Variants in ZNF267 observed in about 807,000 individuals in gnomAD.
ZNF267 encodes the protein zinc finger (C2H2).
Under a neutral mutation model 71.6 loss-of-function variants are expected in ZNF267, and 61 were observed. The observed-to-expected ratio is 0.85, with a 90% CI of 0.69 to 1.05. The LOEUF (loss-of-function observed/expected upper bound fraction) is 1.05, where lower values mean the gene tolerates loss of function less well. Among genes scored for constraint, ZNF267 ranks in the 50% least tolerant of loss-of-function variants. The pLI, the probability that ZNF267 is intolerant of heterozygous loss-of-function variation, is 0.00. For synonymous variants in ZNF267, 288 were observed against 293.2 expected, an observed-to-expected ratio of 0.98 and a Z score of 0.18; for missense variants, 852 against 870.0, an observed-to-expected ratio of 0.98 and a Z score of 0.26.
intron 3 of ZNF267, among the ~76,000 whole-genome samples, chr16:31,910,748 T>G (rs193059580): frequency 6.6e-6 from 1 of 151,642 alleles, no homozygotes; most frequent in Non-Finnish European, 1.5e-5. Context: ...TGCTGTGATG[T>G]TTATTATAAT....
At chr16:31,898,221 A>G (rs2084013947) in intron 3 of ZNF267, among the ~76,000 whole-genome samples, 1 of 152,102 alleles carries the variant, frequency 6.6e-6, no homozygotes, top group South Asian at 2.1e-4. Flanking sequence ...TTATTATATA[A>G]TGCCCTTTCT....
At chr16:31,912,942 C>G (rs1026711315) in intron 3 of ZNF267, 1 of 148,180 alleles carries the variant, frequency 6.7e-6, no homozygotes, top group African/African-American at 2.7e-5. Context: ...TTCCTCAACA[C>G]AACTATGTTG....
At chr16:31,894,817 C>A (rs546856549) in intron 3 of ZNF267, 1 of 486,446 alleles carries the variant, frequency 2.1e-6, no homozygotes, top group South Asian at 1.6e-5. Context: ...ACATTGACTT[C>A]TTTAGTAAGT....
intron 1 of ZNF267, among the ~76,000 whole-genome samples, chr16:31,875,604 G>C (rs1021114012): frequency 3.9e-5 from 6 of 152,166 alleles, no homozygotes; most frequent in African/African-American, 1.4e-4. Context: ...CTCGGCTGCG[G>C]TGTCCATGGG....
intron 3 of ZNF267, among the ~76,000 whole-genome samples, chr16:31,902,602 T>C (rs540335168): frequency 8.3e-4 from 127 of 152,238 alleles, no homozygotes; most frequent in Non-Finnish European, 1.6e-3. Context: ...TTGTCTGTTA[T>C]TGGTGTATAA....
At position 31,885,164 on chromosome 16, in the gene ZNF267, T is replaced by TTG; in HGVS notation, c.136_137dup (p.Val47LeufsTer7). The stretch of plus-strand genomic sequence containing the variant: ...GTGAATTTTTCCAATAAAACAGGTC[T>TTG]TGTTGTCTCTAAGCCGGACCTGATC... On this transcript the variant is annotated frameshift_variant, in exon 3 of 4. Coordinates refer to ENST00000300870, the MANE Select transcript of ZNF267 (RefSeq NM_003414.6). LOFTEE classifies it high-confidence loss of function. The TTG allele has an allele frequency of 1.2e-6, 2 of 1,604,564 alleles. No individual in the cohort carries two copies. The highest frequency in any genetic ancestry group is 2.7e-5 in the African/African-American group (2 of 74,602).
chr16:31,914,636 T>C lies in ZNF267; in HGVS notation c.387T>C (p.Tyr129=), dbSNP rs140423695. Residue 129 remains tyrosine (Y), a synonymous_variant, in exon 4 of 4, where the codon TAT becomes TAC. Transcript: ENST00000300870. ...AGTGTGAAGGGCACAATGGATGTTA[T>C]GATGAAAAGACTTTTAAATATGATC... The part of the protein sequence containing the change: ...REECEGHNGC[Y]DEKTFKYDQF... 6.6e-5 allele frequency: 106 copies of C among 1,614,090 alleles called. No individual in the cohort carries two copies. The African/African-American group carries it at 1.1e-3, about 17-fold the overall frequency.
chr16:31,883,359 A>T (rs1567472205), intron 1 of ZNF267, among the ~76,000 whole-genome samples: 1 of 152,196 alleles, frequency 6.6e-6, no homozygotes, highest in African/African-American at 2.4e-5. Context: ...TTTAAATTTT[A>T]TTTACACAGA....
At chr16:31,874,126 T>A in intron 1 of ZNF267, 157 bp downstream of exon 1, 1 of 777,386 alleles carries the variant, frequency 1.3e-6, no homozygotes, top group African/African-American at 1.8e-5. Flanking sequence ...TCCCCTCCGC[T>A]GCAAGATGGC....
intron 3 of ZNF267, among the ~76,000 whole-genome samples, chr16:31,896,353 T>C (rs1305360113): frequency 6.6e-6 from 1 of 152,176 alleles, no homozygotes; most frequent in African/African-American, 2.4e-5. Context: ...ATTTTCCAAG[T>C]CTGTACTAAA....
At chr16:31,874,961 G>T (rs1184973051) in intron 1 of ZNF267, among the ~76,000 whole-genome samples, 1 of 152,128 alleles carries the variant, frequency 6.6e-6, no homozygotes, top group Admixed American at 6.5e-5. Flanking sequence ...CAGAGCAGTG[G>T]ATGACACTTT....
In ZNF267 at chr16:31,884,501, C is replaced by G; in HGVS notation, c.7C>G (p.Leu3Val). The G allele has an allele frequency of 6.2e-7, 1 of 1,614,078 alleles. No individual in the cohort carries two copies. Among genetic ancestry groups the G allele is most frequent in the Non-Finnish European group, 8.5e-7 (1 of 1,179,988 alleles). ...GTATTCTTTATTTTTATTTCAGGGA[C>G]TGTTGACATTCAGGGATGTGGCCGT... is the stretch of plus-strand genomic sequence containing the variant. MG[L>V]LTFRDVAVEF... The change falls in exon 2 of 4, where the codon CTG (leucine) becomes GTG (valine). Residue 3 changes from leucine to valine, a missense_variant. Leu to Val is a conservative substitution (Grantham distance 32). Transcript: ENST00000300870.
intron 1 of ZNF267, among the ~76,000 whole-genome samples, chr16:31,876,678 A>G (rs1391990341): frequency 2.0e-5 from 3 of 152,266 alleles, no homozygotes; most frequent in Non-Finnish European, 2.9e-5. Context: ...TAAATTATAA[A>G]GGCGTTTCAC....
At chr16:31,907,431 GA>G (rs1388236166) in intron 3 of ZNF267, among the ~76,000 whole-genome samples, 20 of 152,002 alleles carry the variant, frequency 1.3e-4, no homozygotes, top group Non-Finnish European at 2.2e-4. Flanking sequence ...GTGTGCTGGG[GA>G]TTTTTTACCT....
intron 1 of ZNF267, 69 bp downstream of exon 1, chr16:31,874,038 G>A (rs1452730685): frequency 5.8e-6 from 9 of 1,561,628 alleles, no homozygotes; most frequent in South Asian, 2.3e-5. Flanking sequence ...GGAACCCGCT[G>A]TAGGGGCACC....
At chr16:31,898,202 C>CTAT (rs1198654927) in intron 3 of ZNF267, among the ~76,000 whole-genome samples, 4 of 151,920 alleles carry the variant, frequency 2.6e-5, no homozygotes, top group Non-Finnish European at 5.9e-5. Context: ...TCAGTGGACA[C>CTAT]TATTATTATT....
chr16:31,914,514 C>G lies in ZNF267; in HGVS notation c.265C>G (p.His89Asp). ...SHYNKDLLTE[H>D]CTEASFQKVI... Reference sequence around the variant, plus strand: ...TTATAACAAGGACCTGTTGACAGAGCACTGCACAGAAGCTTCATTCCAAAA... The same window carrying G: ...TTATAACAAGGACCTGTTGACAGAGGACTGCACAGAAGCTTCATTCCAAAA... Residue 89 changes from histidine (H) to aspartate (D), a missense_variant, in exon 4 of 4, where the codon CAC (histidine) becomes GAC (aspartate). His to Asp is a moderately conservative substitution (Grantham distance 81, BLOSUM62 -1). Coordinates refer to ENST00000300870, the MANE Select transcript of ZNF267 (RefSeq NM_003414.6). 1 of 1,612,868 alleles carries G rather than the reference C, an allele frequency of 6.2e-7. No individual in the cohort carries two copies. Among genetic ancestry groups the G allele is most frequent in the Non-Finnish European group, 8.5e-7 (1 of 1,179,544 alleles).
chr16:31,901,287 A>G (rs1386000271), intron 3 of ZNF267, among the ~76,000 whole-genome samples: 1 of 152,166 alleles, frequency 6.6e-6, no homozygotes, highest in Non-Finnish European at 1.5e-5. Flanking sequence ...TTAGAGCAGC[A>G]TGATTTATAA....
intron 1 of ZNF267, 107 bp downstream of exon 1, chr16:31,874,076 T>C: frequency 2.3e-6 from 3 of 1,300,650 alleles, no homozygotes; most frequent in Non-Finnish European, 3.2e-6. Flanking sequence ...AGCCTCGGGG[T>C]CTGGGCCCCG....
Sources: allele counts gnomAD v4.1 joint callset (sites outside exome capture counted in the v4.1 genomes callset), GRCh38; gene constraint gnomAD v4.1.1; transcripts MANE v1.5; gene names NCBI Gene and HGNC (gene_info 2026-07-23, HGNC 2026-07-21).